Variants in HNRNPA1L2 observed in about 807,000 individuals in gnomAD.
HNRNPA1L2 encodes the protein heterogeneous nuclear ribonucleoprotein A1 like 2.
HNRNPA1L2 carries 10 observed loss-of-function variants against 18.2 expected under a neutral mutation model. That is an observed-to-expected ratio of 0.55 (90% CI 0.34 to 0.93). The LOEUF (loss-of-function observed/expected upper bound fraction) is 0.93. Ranked by LOEUF, HNRNPA1L2 falls within the 40% of genes least tolerant of loss-of-function variation. The probability of loss-of-function intolerance (pLI) is 0.02; values close to 1 mark genes in which losing one functional copy is unlikely to be tolerated. For synonymous variants in HNRNPA1L2, 124 were observed against 138.6 expected, an observed-to-expected ratio of 0.89 and a Z score of 0.74; for missense variants, 308 against 394.4, an observed-to-expected ratio of 0.78 and a Z score of 1.85.
Position 52,643,624 on chromosome 13 carries a change from C to T in HNRNPA1L2, c.*169C>T. The stretch of plus-strand genomic sequence containing the variant: ...TGTGTATGGGCAAAAAACTCGAGGA[C>T]TGTATTTGTGACTAATTGTATAACA... On this transcript the variant is annotated 3_prime_UTR_variant, in exon 1 of 1. Transcript: ENST00000357495. 1.6e-6 allele frequency: 1 copy of T among 630,432 alleles called. No homozygotes were observed. Among genetic ancestry groups the T allele is most frequent in the Non-Finnish European group, 2.8e-6 (1 of 353,424 alleles). The allele number at this position is 630,432 out of a possible 1,614,324, so 39.1% of individuals were successfully genotyped here. A position where few individuals can be genotyped will look rare whatever the true frequency, so the allele number is the denominator to read the frequency against.
chr13:52,642,927 A>G lies in HNRNPA1L2; in HGVS notation c.435A>G (p.Lys145=), dbSNP rs2138085866. The G allele has an allele frequency of 2.5e-6, 4 of 1,597,040 alleles. No individual in the cohort carries two copies. Among genetic ancestry groups the G allele is most frequent in the East Asian group, 2.2e-5 (1 of 44,886 alleles). Residue 145 remains lysine, a synonymous_variant, in exon 1 of 1, where the codon AAA becomes AAG. Transcript: ENST00000357495. ...TGACTGACCGAGGCAGTGGCAAGAAAAGGGGCTTTGCCTTTGTAACCTTTG... is the reference window on the plus strand; with the variant it reads ...TGACTGACCGAGGCAGTGGCAAGAAGAGGGGCTTTGCCTTTGTAACCTTTG... ...EIMTDRGSGK[K]RGFAFVTFDD...
chr13:52,622,270 T>C, the HNRNPA1L2 span: 2 of 153,590 alleles, frequency 1.3e-5, no homozygotes, highest in African/African-American at 4.8e-5. Context: ...AAGAGGTAAA[T>C]TTAATTGTAA....
At chr13:52,641,303 T>G (rs144945665), upstream of HNRNPA1L2, 1 of 152,228 alleles carries the variant, frequency 6.6e-6, no homozygotes, top group East Asian at 1.9e-4. Context: ...ATTTGACTTA[T>G]TACCCTGAAT....
chr13:52,624,944 T>C, the HNRNPA1L2 span, among the ~76,000 whole-genome samples: 6 of 151,792 alleles, frequency 4.0e-5, no homozygotes, highest in Non-Finnish European at 8.8e-5. Flanking sequence ...GGTGGGAGAA[T>C]CCCTTGAACC....
chr13:52,621,598 CA>C, the HNRNPA1L2 span, among the ~76,000 whole-genome samples: 1 of 152,136 alleles, frequency 6.6e-6, no homozygotes, highest in Admixed American at 6.5e-5. Context: ...CCAGCACCCC[CA>C]GGCCTCCCCT....
At chr13:52,629,782 C>T in the HNRNPA1L2 span, among the ~76,000 whole-genome samples, 10 of 152,200 alleles carry the variant, frequency 6.6e-5, no homozygotes, top group East Asian at 1.9e-3. Context: ...AATGACCCAC[C>T]ATCAACGAAA....
At chr13:52,634,906 G>A in the HNRNPA1L2 span, among the ~76,000 whole-genome samples, 1 of 152,180 alleles carries the variant, frequency 6.6e-6, no homozygotes, top group African/African-American at 2.4e-5. Context: ...AAAAGTGTGA[G>A]GCACAGTGCC....
the HNRNPA1L2 span, among the ~76,000 whole-genome samples, chr13:52,618,430 A>G: frequency 0.028 from 4,310 of 152,342 alleles, 89 homozygotes; most frequent in Middle Eastern, 0.058. Flanking sequence ...TAACACTCAG[A>G]AGCCAGTTAA....
chr13:52,629,968 A>G, the HNRNPA1L2 span, among the ~76,000 whole-genome samples: 1 of 152,152 alleles, frequency 6.6e-6, no homozygotes, highest in East Asian at 1.9e-4. Context: ...AGCTCCTGCA[A>G]TCCCAGCTAC....
chr13:52,624,565 G>A, the HNRNPA1L2 span, among the ~76,000 whole-genome samples: 1 of 152,220 alleles, frequency 6.6e-6, no homozygotes, highest in South Asian at 2.1e-4. Context: ...TAGGAATGGA[G>A]TAATATACAT....
chr13:52,630,467 G>T, the HNRNPA1L2 span, among the ~76,000 whole-genome samples: 1 of 152,180 alleles, frequency 6.6e-6, no homozygotes, highest in Admixed American at 6.5e-5. Flanking sequence ...TAGAGACAGG[G>T]TTTCACCATG....
chr13:52,636,827 C>CTTTA, the HNRNPA1L2 span, among the ~76,000 whole-genome samples: 20 of 151,962 alleles, frequency 1.3e-4, no homozygotes, highest in Middle Eastern at 6.8e-3. Context: ...TAGTTATAGT[C>CTTTA]TTTATTTATT....
chr13:52,635,473 G>A, the HNRNPA1L2 span, among the ~76,000 whole-genome samples: 1 of 151,934 alleles, frequency 6.6e-6, no homozygotes, highest in Non-Finnish European at 1.5e-5. Context: ...TTGTGTGCAA[G>A]GAACTGCACA....
chr13:52,618,780 G>A, the HNRNPA1L2 span, among the ~76,000 whole-genome samples: 1 of 152,214 alleles, frequency 6.6e-6, no homozygotes, highest in Non-Finnish European at 1.5e-5. Flanking sequence ...TGAAGGTGTT[G>A]CATTTGAAGT....
At chr13:52,638,036 A>C (rs1173481675), upstream of HNRNPA1L2, among the ~76,000 whole-genome samples, 1 of 152,202 alleles carries the variant, frequency 6.6e-6, no homozygotes. Context: ...TGTTATCTAG[A>C]ATGAAAAGAC....
chr13:52,622,700 A>C, the HNRNPA1L2 span, among the ~76,000 whole-genome samples: 1 of 152,248 alleles, frequency 6.6e-6, no homozygotes, highest in Admixed American at 6.5e-5. Flanking sequence ...CACGTTGATT[A>C]CAACTGCTCT....
upstream of HNRNPA1L2, among the ~76,000 whole-genome samples, chr13:52,638,479 CT>C (rs1023005926): frequency 3.4e-5 from 5 of 147,584 alleles, no homozygotes; most frequent in African/African-American, 1.3e-4. Flanking sequence ...ACATTTGGTT[CT>C]AAAGAATGTA....
Position 52,643,695 on chromosome 13 carries a change from A to G in HNRNPA1L2, c.*240A>G, listed in dbSNP as rs551845012. The G allele has an allele frequency of 1.2e-4, 69 of 582,598 alleles. No homozygotes were observed. Among genetic ancestry groups the G allele is most frequent in the African/African-American group, 1.1e-3 (57 of 53,528 alleles). 36.1% of individuals were successfully genotyped at this position (582,598 alleles called of 1,614,324 possible). A position where few individuals can be genotyped will look rare whatever the true frequency, so the allele number is the denominator to read the frequency against. On this transcript the variant is annotated 3_prime_UTR_variant, in exon 1 of 1. Coordinates refer to ENST00000357495, the MANE Select transcript of HNRNPA1L2 (RefSeq NM_001389320.1). ...TGTGGAAAGTGTAAAGCATTCCAACAAAGTGTTTTAATGTAGATTTTTTTT... is the reference window on the plus strand; with the variant it reads ...TGTGGAAAGTGTAAAGCATTCCAACGAAGTGTTTTAATGTAGATTTTTTTT...
chr13:52,634,171 TA>T, the HNRNPA1L2 span, among the ~76,000 whole-genome samples: 1 of 152,226 alleles, frequency 6.6e-6, no homozygotes, highest in East Asian at 1.9e-4. Flanking sequence ...TTGTGTATGA[TA>T]AAAAGGAAAT....
Sources: gnomAD v4.1 joint callset for allele counts (sites outside exome capture counted in the v4.1 genomes callset) on GRCh38, gnomAD v4.1.1 for gene constraint, MANE v1.5 for transcripts, NCBI Gene and HGNC (gene_info 2026-07-23, HGNC 2026-07-21) for gene names.